UTRN: variants seen among roughly 807,000 people sequenced by gnomAD.
The protein encoded by UTRN is dystrophin-related protein 1.
UTRN carries 283 observed loss-of-function variants against 463.9 expected under a neutral mutation model. The ratio of observed to expected loss-of-function variants is 0.61; its 90% confidence interval spans 0.55 to 0.67. UTRN has a LOEUF of 0.67. UTRN is among the 30% of genes least tolerant of loss of function. The pLI, the probability that UTRN is intolerant of heterozygous loss-of-function variation, is 0.00. For synonymous variants in UTRN, 1,442 were observed against 1,431.5 expected (o/e 1.01, Z -0.17); for missense variants, 3,922 against 4,084.3 (o/e 0.96, Z 1.08).
intron 2 of UTRN, among the ~76,000 whole-genome samples, chr6:144,302,459 G>A (rs1449916434): frequency 6.8e-6 from 1 of 148,110 alleles, no homozygotes; most frequent in Admixed American, 6.7e-5. Context: ...GTAGTGAGAC[G>A]AGATTGTGCC....
intron 2 of UTRN, among the ~76,000 whole-genome samples, chr6:144,371,040 T>A (rs1177372832): frequency 6.6e-6 from 1 of 152,290 alleles, no homozygotes; most frequent in East Asian, 1.9e-4. Flanking sequence ...CTGTCCCCAG[T>A]CCCCTGACTC....
rs114630399 is a variant in UTRN at position 144,577,000 on chromosome 6, T to C, written c.7290-99T>C. The C allele has an allele frequency of 6.8e-3, 7,860 of 1,160,410 alleles. 125 individuals carry two copies. The highest frequency in any genetic ancestry group is 0.054 in the African/African-American group (3,510 of 65,214). The allele number at this position is 1,160,410 out of a possible 1,614,324, so 71.9% of individuals were successfully genotyped here. A position where few individuals can be genotyped will look rare whatever the true frequency, so the allele number is the denominator to read the frequency against. ...TATGGTGACTTGAATAAAAGGTCCT[T>C]TGGGGGCTGCCTGTTAGTTTTTTAT... On this transcript the variant is annotated intron_variant, in intron 50 of 74. Coordinates refer to ENST00000367545, the MANE Select transcript of UTRN (RefSeq NM_007124.3).
chr6:144,369,962 A>C (rs759450051), intron 2 of UTRN, among the ~76,000 whole-genome samples: 2 of 151,780 alleles, frequency 1.3e-5, no homozygotes, highest in Non-Finnish European at 2.9e-5. Flanking sequence ...AGTCCATTAA[A>C]CCTCTTTTTC....
At chr6:144,804,638 T>C (rs1194536980) in intron 65 of UTRN, among the ~76,000 whole-genome samples, 2 of 152,140 alleles carry the variant, frequency 1.3e-5, no homozygotes, top group African/African-American at 4.8e-5. Context: ...ATCAGTTCCA[T>C]CAGACCAGCT....
At chr6:144,412,947 C>A (rs1180170723) in intron 3 of UTRN, among the ~76,000 whole-genome samples, 1 of 152,092 alleles carries the variant, frequency 6.6e-6, no homozygotes, top group East Asian at 1.9e-4. Context: ...CTTTTGAAAG[C>A]ATTTAAAATC....
intron 71 of UTRN, among the ~76,000 whole-genome samples, chr6:144,837,429 C>A (rs527346463): frequency 6.6e-6 from 1 of 152,158 alleles, no homozygotes; most frequent in Non-Finnish European, 1.5e-5. Flanking sequence ...GGAGTGATGT[C>A]TCAGAAGTAG....
chr6:144,547,846 A>G (rs1172953209), intron 46 of UTRN, among the ~76,000 whole-genome samples: 1 of 152,174 alleles, frequency 6.6e-6, no homozygotes, highest in Non-Finnish European at 1.5e-5. Context: ...TGAATTAATG[A>G]TTTTGTTACA....
Position 144,820,875 on chromosome 6 carries a change from C to T in UTRN, c.9358-7C>T. The T allele has an allele frequency of 1.9e-6, 3 of 1,611,530 alleles. No homozygotes were observed. The highest frequency in any genetic ancestry group is 1.1e-5 in the South Asian group (1 of 90,526). ...TGAGAGAAGTGTAATTGTTTTCAAC[C>T]TTATAGACAACATCTGGGGAAGATG... On this transcript the variant is annotated splice_polypyrimidine_tract_variant and splice_region_variant and intron_variant, in intron 65 of 74. Transcript: ENST00000367545.
At chr6:144,594,960 T>C (rs1480222300) in intron 51 of UTRN, among the ~76,000 whole-genome samples, 3 of 152,194 alleles carry the variant, frequency 2.0e-5, no homozygotes, top group Non-Finnish European at 4.4e-5. Context: ...TGAGTTTTCT[T>C]AGTACTATCT....
At chr6:144,535,227 C>G (rs1245067567) in intron 43 of UTRN, among the ~76,000 whole-genome samples, 1 of 152,124 alleles carries the variant, frequency 6.6e-6, no homozygotes, top group Non-Finnish European at 1.5e-5. Context: ...ATGACAGGTG[C>G]CTGTCACCAT....
intron 3 of UTRN, among the ~76,000 whole-genome samples, chr6:144,420,895 G>A (rs1011251795): frequency 2.0e-5 from 3 of 152,106 alleles, no homozygotes; most frequent in African/African-American, 2.4e-5. Flanking sequence ...AATGCGTCTC[G>A]TTATCATTGC....
At chr6:144,371,735 C>G (rs189365090) in intron 2 of UTRN, among the ~76,000 whole-genome samples, 43 of 151,942 alleles carry the variant, frequency 2.8e-4, no homozygotes, top group African/African-American at 1.0e-3. Context: ...TTTCACATAG[C>G]TGGTGGCAGA....
At chr6:144,529,085 G>C (rs951606398) in intron 41 of UTRN, among the ~76,000 whole-genome samples, 1 of 152,172 alleles carries the variant, frequency 6.6e-6, no homozygotes, top group African/African-American at 2.4e-5. Context: ...GAGGGAAAGC[G>C]TGCAGTTGCA....
intron 23 of UTRN, among the ~76,000 whole-genome samples, chr6:144,464,262 G>A (rs1438458081): frequency 2.0e-5 from 3 of 152,148 alleles, no homozygotes; most frequent in Non-Finnish European, 4.4e-5. Flanking sequence ...TCTCTGAGTG[G>A]ACCACTGAAT....
intron 52 of UTRN, among the ~76,000 whole-genome samples, chr6:144,683,871 A>C (rs984231541): frequency 3.0e-4 from 45 of 152,130 alleles, no homozygotes; most frequent in Admixed American, 2.0e-3. Flanking sequence ...CAGGGATAAG[A>C]GGGACAATTG....
At chr6:144,316,407 G>A (rs919261776) in intron 2 of UTRN, among the ~76,000 whole-genome samples, 2 of 152,178 alleles carry the variant, frequency 1.3e-5, no homozygotes, top group Admixed American at 6.5e-5. Context: ...TATATTAGTA[G>A]TATAGCTGTT....
At chr6:144,543,762 C>G (rs1461366311) in intron 46 of UTRN, among the ~76,000 whole-genome samples, 1 of 151,762 alleles carries the variant, frequency 6.6e-6, no homozygotes, top group African/African-American at 2.4e-5. Context: ...TTTTCCTTCT[C>G]TTCCTCCTCC....
chr6:144,609,400 G>A (rs1388925769), intron 51 of UTRN, among the ~76,000 whole-genome samples: 3 of 152,218 alleles, frequency 2.0e-5, no homozygotes, highest in East Asian at 1.9e-4. Flanking sequence ...AATTGTAAAC[G>A]CATATGAATG....
chr6:144,793,825 T>C lies in UTRN; in HGVS notation c.8921-9T>C. The C allele has an allele frequency of 6.2e-7, 1 of 1,612,736 alleles. No homozygotes were observed. Among genetic ancestry groups the C allele is most frequent in the Non-Finnish European group, 8.5e-7 (1 of 1,179,328 alleles). ...CAGATGAAAGTTAACCTCTTGCCTCTCTTTGCAGATCTCTTTAAGGAAGTT... is the reference window on the plus strand; with the variant it reads ...CAGATGAAAGTTAACCTCTTGCCTCCCTTTGCAGATCTCTTTAAGGAAGTT... On this transcript the variant is annotated splice_polypyrimidine_tract_variant and intron_variant, in intron 62 of 74. Coordinates refer to ENST00000367545, the MANE Select transcript of UTRN (RefSeq NM_007124.3).
Sources: gnomAD v4.1 joint callset for allele counts (sites outside exome capture counted in the v4.1 genomes callset) on GRCh38, gnomAD v4.1.1 for gene constraint, MANE v1.5 for transcripts, NCBI Gene and HGNC (gene_info 2026-07-23, HGNC 2026-07-21) for gene names.